The following CELF1 variants were observed in gnomAD, a reference collection of about 807,000 sequenced individuals.
CELF1 encodes the protein CUGBP Elav-like family member 1.
Under a neutral mutation model 61.8 loss-of-function variants are expected in CELF1, and 10 were observed. The observed-to-expected ratio is 0.16, with a 90% CI of 0.10 to 0.27. The LOEUF (loss-of-function observed/expected upper bound fraction) is 0.27. CELF1 is among the 10% of genes least tolerant of loss of function. The probability of loss-of-function intolerance (pLI) is 1.00; values close to 1 mark genes in which losing one functional copy is unlikely to be tolerated. For missense variants in CELF1, 380 were observed against 639.1 expected, an observed-to-expected ratio of 0.59 and a Z score of 4.37; for synonymous variants, 236 against 225.1, an observed-to-expected ratio of 1.05 and a Z score of -0.43.
intron 6 of CELF1, 87 bp from the exon 7 acceptor site, chr11:47,484,610 G>A (rs1198737228): frequency 1.8e-6 from 2 of 1,101,252 alleles, no homozygotes; most frequent in African/African-American, 3.2e-5. Flanking sequence ...GCCTGGGTTT[G>A]AATCCTGGCT....
chr11:47,467,102 C>CA lies in CELF1; in HGVS notation c.*5127dup, dbSNP rs2076800746. 1 of 152,320 alleles carries CA rather than the reference C, an allele frequency of 6.6e-6. No individual in the cohort carries two copies. Among genetic ancestry groups the CA allele is most frequent in the African/African-American group, 2.4e-5 (1 of 41,440 alleles). The allele number at this position is 152,320 out of a possible 1,614,324, so 9.4% of individuals were successfully genotyped here. A position where few individuals can be genotyped will look rare whatever the true frequency, so the allele number is the denominator to read the frequency against. On this transcript the variant is annotated 3_prime_UTR_variant, in exon 15 of 15. Transcript: ENST00000687097. ...AATAGCGCTTCCACCTCCCCCTCCC[C>CA]AGCCCCTAGCTACATCTCTCCACCC...
rs747027562 is a variant in CELF1, at chr11:47,472,107, G to C, written c.*123C>G. Reference sequence around the variant, plus strand: ...AGTCTTCAGGGCAAGCTGTGCCTGCGAGAGTGGCAGGGATCAGGGTCCAGG... The same window carrying C: ...AGTCTTCAGGGCAAGCTGTGCCTGCCAGAGTGGCAGGGATCAGGGTCCAGG... On this transcript the variant is annotated 3_prime_UTR_variant, in exon 15 of 15. Transcript: ENST00000687097. The C allele has an allele frequency of 1.7e-6, 2 of 1,152,806 alleles. No individual in the cohort carries two copies. Among genetic ancestry groups the C allele is most frequent in the Non-Finnish European group, 2.5e-6 (2 of 805,814 alleles). The allele number at this position is 1,152,806 out of a possible 1,614,324, so 71.4% of individuals were successfully genotyped here. A position where few individuals can be genotyped will look rare whatever the true frequency, so the allele number is the denominator to read the frequency against.
chr11:47,536,773 A>T (rs1211947479), intron 1 of CELF1, among the ~76,000 whole-genome samples: 4 of 152,206 alleles, frequency 2.6e-5, no homozygotes, highest in East Asian at 3.8e-4. Context: ...ATAATAATAA[A>T]AAATAAAAAT....
intron 1 of CELF1, among the ~76,000 whole-genome samples, chr11:47,530,832 G>A (rs1292682011): frequency 6.6e-6 from 1 of 152,084 alleles, no homozygotes; most frequent in African/African-American, 2.4e-5. Context: ...GCATGTGCCT[G>A]TAGTGCCAGC....
intron 1 of CELF1, among the ~76,000 whole-genome samples, chr11:47,514,414 C>G (rs1471823475): frequency 6.6e-6 from 1 of 152,040 alleles, no homozygotes; most frequent in Non-Finnish European, 1.5e-5. Flanking sequence ...AATAGAACTA[C>G]CTCCCTAATC....
At chr11:47,510,572 C>T (rs1443240668) in intron 1 of CELF1, among the ~76,000 whole-genome samples, 2 of 152,112 alleles carry the variant, frequency 1.3e-5, no homozygotes, top group East Asian at 1.9e-4. Context: ...CTGCAACCTC[C>T]GCCTCCTGGG....
intron 9 of CELF1, among the ~76,000 whole-genome samples, chr11:47,479,280 G>A (rs1198041577): frequency 1.3e-5 from 2 of 152,192 alleles, no homozygotes; most frequent in Admixed American, 1.3e-4. Context: ...GCAGTCAACT[G>A]TGATTATTGT....
intron 1 of CELF1, among the ~76,000 whole-genome samples, chr11:47,552,388 C>A (rs1391416747): frequency 1.3e-5 from 2 of 152,242 alleles, no homozygotes; most frequent in Non-Finnish European, 2.9e-5. Context: ...GTGCTCCTCC[C>A]GCTCCCGGGT....
chr11:47,493,603 T>G (rs1166175103), intron 3 of CELF1, among the ~76,000 whole-genome samples: 2 of 151,572 alleles, frequency 1.3e-5, no homozygotes, highest in African/African-American at 4.9e-5. Flanking sequence ...TCTTTGGAAA[T>G]TTTTACAGAA....
intron 2 of CELF1, among the ~76,000 whole-genome samples, chr11:47,559,800 G>A (rs564217036): frequency 1.7e-4 from 26 of 150,962 alleles, no homozygotes; most frequent in African/African-American, 6.3e-4. Context: ...TCAGGAGTTC[G>A]AGACCAGCCT....
chr11:47,509,315 C>G (rs2095814864), intron 1 of CELF1, among the ~76,000 whole-genome samples: 1 of 152,184 alleles, frequency 6.6e-6, no homozygotes, highest in Non-Finnish European at 1.5e-5. Context: ...ATGTCTGTTT[C>G]TATTAACATT....
chr11:47,551,842 ACC>A (rs1253791178), intron 1 of CELF1, among the ~76,000 whole-genome samples: 1 of 152,168 alleles, frequency 6.6e-6, no homozygotes, highest in East Asian at 1.9e-4. Flanking sequence ...ACATGGTGAA[ACC>A]CCGTCTATAC....
At position 47,502,028 on chromosome 11, in the gene CELF1, T is replaced by C. The variant is rs575152025; in HGVS notation, c.-153-1096A>G. ...AGGCACTGTCCAATGTATGAAAAGATGTGCTCTCCTTAAAATAGTTTCCAC... is the reference window on the plus strand; with the variant it reads ...AGGCACTGTCCAATGTATGAAAAGACGTGCTCTCCTTAAAATAGTTTCCAC... On this transcript the variant is annotated intron_variant, in intron 1 of 14. Coordinates refer to ENST00000687097, the MANE Select transcript of CELF1 (RefSeq NM_001376376.1). Among the ~76,000 whole-genome samples the C allele has an allele frequency of 7.9e-5, 12 of 152,216 alleles. No homozygotes were observed. In the South Asian group the frequency reaches 1.0e-3, roughly 13 times the overall value.
rs532957520 is a variant in CELF1, at chr11:47,505,404, T to C, written c.-153-4472A>G. ...ATCCCAACACTTTAGGAGCCCAAGA[T>C]GGGCAGATCACGAGGTCAGATCGAG... On this transcript the variant is annotated intron_variant, in intron 1 of 14. Coordinates refer to ENST00000687097, the MANE Select transcript of CELF1 (RefSeq NM_001376376.1). Among the ~76,000 whole-genome samples the C allele has an allele frequency of 3.6e-3, 544 of 151,186 alleles. 22 individuals are homozygous for C. The highest frequency in any genetic ancestry group is 6.8e-3 in the Middle Eastern group (2 of 292).
intron 1 of CELF1, among the ~76,000 whole-genome samples, chr11:47,512,280 G>A (rs1356830896): frequency 6.6e-6 from 1 of 152,046 alleles, no homozygotes; most frequent in East Asian, 1.9e-4. Context: ...AACCTCCTGA[G>A]TAGCTGGGAC....
chr11:47,512,091 C>T (rs1260341119), intron 1 of CELF1, among the ~76,000 whole-genome samples: 1 of 152,122 alleles, frequency 6.6e-6, no homozygotes, highest in Non-Finnish European at 1.5e-5. Context: ...TTTAGGCAAT[C>T]CACCCTCCTT....
At chr11:47,547,065 CAAAAAAAAAAAAAA>C (rs61222771) in intron 1 of CELF1, among the ~76,000 whole-genome samples, 5 of 39,972 alleles carry the variant, frequency 1.3e-4, no homozygotes, top group African/African-American at 6.0e-4. Context: ...AACTCCACCT[CAAAAAAAAAAAAAA>C]AAAAAAAAAA....
At chr11:47,504,130 G>C (rs2094243182) in intron 1 of CELF1, among the ~76,000 whole-genome samples, 1 of 152,036 alleles carries the variant, frequency 6.6e-6, no homozygotes, top group Admixed American at 6.5e-5. Context: ...AACCAAGATT[G>C]AGCCACTGCA....
At chr11:47,529,357 C>T (rs942536834) in intron 1 of CELF1, among the ~76,000 whole-genome samples, 3 of 151,304 alleles carry the variant, frequency 2.0e-5, no homozygotes, top group Admixed American at 6.6e-5. Flanking sequence ...GAGACCAGCC[C>T]GGGTAACGTG....
Sources: gnomAD v4.1 joint callset for allele counts (sites outside exome capture counted in the v4.1 genomes callset) on GRCh38, gnomAD v4.1.1 for gene constraint, MANE v1.5 for transcripts, NCBI Gene and HGNC (gene_info 2026-07-23, HGNC 2026-07-21) for gene names.